Variants in GOLPH3 observed in about 807,000 individuals in gnomAD.
GOLPH3 encodes the protein coat protein GPP34.
GOLPH3 carries 14 observed loss-of-function variants against 28.5 expected under a neutral mutation model. That is an observed-to-expected ratio of 0.49 (90% CI 0.32 to 0.77). The LOEUF (loss-of-function observed/expected upper bound fraction) is 0.77. GOLPH3 is among the 30% of genes least tolerant of loss of function. GOLPH3 has a pLI of 0.03. For missense variants in GOLPH3, 350 were observed against 393.7 expected, an observed-to-expected ratio of 0.89 and a Z score of 0.94; for synonymous variants, 158 against 159.2, an observed-to-expected ratio of 0.99 and a Z score of 0.06.
chr5:32,142,081 G>A (rs554626394), intron 2 of GOLPH3, among the ~76,000 whole-genome samples: 1 of 151,448 alleles, frequency 6.6e-6, no homozygotes, highest in Admixed American at 6.6e-5. Flanking sequence ...TGGGATGTGA[G>A]GAGCCCCTCT....
chr5:32,138,327 T>C (rs1410712783), intron 2 of GOLPH3, among the ~76,000 whole-genome samples: 5 of 152,208 alleles, frequency 3.3e-5, no homozygotes, highest in African/African-American at 4.8e-5. Context: ...TGTGACATCA[T>C]GACCAGCAGA....
At position 32,124,897 on chromosome 5, in the gene GOLPH3, T is replaced by C. The variant is rs1209615184; in HGVS notation, c.*1315A>G. The C allele has an allele frequency of 1.3e-5, 2 of 152,650 alleles. No individual in the cohort carries two copies. The highest frequency in any genetic ancestry group is 4.8e-5 in the African/African-American group (2 of 41,456). The allele number at this position is 152,650 out of a possible 1,614,324, so 9.5% of individuals were successfully genotyped here. A position where few individuals can be genotyped will look rare whatever the true frequency, so the allele number is the denominator to read the frequency against. On this transcript the variant is annotated 3_prime_UTR_variant, in exon 4 of 4. Coordinates refer to ENST00000265070, the MANE Select transcript of GOLPH3 (RefSeq NM_022130.4). ...AAAGCCCCACTATTAACATGGACTA[T>C]GGTAATAAAAAATTTTGACATTTAA...
chr5:32,140,850 T>A (rs1746044990), intron 2 of GOLPH3, among the ~76,000 whole-genome samples: 1 of 151,378 alleles, frequency 6.6e-6, no homozygotes, highest in Non-Finnish European at 1.5e-5. Flanking sequence ...CACCAGACTT[T>A]ACCGCAACTC....
In GOLPH3 at chr5:32,174,187, G is replaced by A; in HGVS notation, c.-153C>T. The A allele has an allele frequency of 2.3e-6, 1 of 434,170 alleles. No individual in the cohort carries two copies. The highest frequency in any genetic ancestry group is 3.8e-6 in the Non-Finnish European group (1 of 263,010). The allele number at this position is 434,170 out of a possible 1,614,324, so 26.9% of individuals were successfully genotyped here. On this transcript the variant is annotated 5_prime_UTR_variant, in exon 1 of 4. Transcript: ENST00000265070. ...GCAGCAGGGCCGGGGGCAGTCATGA[G>A]GAAACAGGTCAGGGCGAAGCGGGCT...
chr5:32,137,686 G>A (rs1242245663), intron 2 of GOLPH3, among the ~76,000 whole-genome samples: 1 of 152,034 alleles, frequency 6.6e-6, no homozygotes. Context: ...TTGAGATATA[G>A]AATCCATTTT....
chr5:32,141,702 C>T (rs891118234), intron 2 of GOLPH3, among the ~76,000 whole-genome samples: 4 of 152,342 alleles, frequency 2.6e-5, no homozygotes, highest in Admixed American at 2.0e-4. Context: ...AACCTCCCTG[C>T]CTGATTCTCC....
At chr5:32,169,122 T>A (rs2619870) in intron 1 of GOLPH3, among the ~76,000 whole-genome samples, 30,746 of 150,950 alleles carry the variant, frequency 0.2, 5,833 homozygotes, top group African/African-American at 0.51. Flanking sequence ...AAAAAAAAAA[T>A]TTTTTTTTAA....
chr5:32,161,390 C>T (rs1025107113), intron 1 of GOLPH3, among the ~76,000 whole-genome samples: 2 of 118,566 alleles, frequency 1.7e-5, no homozygotes, highest in African/African-American at 6.9e-5. Flanking sequence ...GGTGACAGAG[C>T]ATACCTTGTC....
intron 1 of GOLPH3, among the ~76,000 whole-genome samples, chr5:32,172,251 G>A (rs1489330448): frequency 2.0e-5 from 3 of 151,556 alleles, no homozygotes; most frequent in Non-Finnish European, 4.4e-5. Flanking sequence ...CAAGCTAACC[G>A]TTAGTTCATT....
chr5:32,147,365 C>A (rs886873625), intron 1 of GOLPH3, among the ~76,000 whole-genome samples: 3 of 151,690 alleles, frequency 2.0e-5, no homozygotes, highest in Non-Finnish European at 4.4e-5. Context: ...GTGCAGGAGG[C>A]GGAGGCTGCA....
intron 1 of GOLPH3, among the ~76,000 whole-genome samples, chr5:32,161,809 C>G (rs1018244086): frequency 6.0e-5 from 9 of 150,816 alleles, no homozygotes; most frequent in Non-Finnish European, 1.2e-4. Flanking sequence ...GGGCGGACCA[C>G]GAGGTCAGGA....
At position 32,167,722 on chromosome 5, in the gene GOLPH3, G is replaced by A. The variant is rs148664932; in HGVS notation, c.225+6088C>T. Among the ~76,000 whole-genome samples the A allele has an allele frequency of 3.8e-3, 569 of 148,730 alleles. 3 individuals are homozygous for A. Among genetic ancestry groups the A allele is most frequent in the African/African-American group, 0.013 (550 of 41,290 alleles). ...TCCCAGAACTTTGGGAGGCCAAGGCGGGAAGATTGCTTGAGGCCAGGAGTT... is the reference window on the plus strand; with the variant it reads ...TCCCAGAACTTTGGGAGGCCAAGGCAGGAAGATTGCTTGAGGCCAGGAGTT... On this transcript the variant is annotated intron_variant, in intron 1 of 3. Transcript: ENST00000265070.
intron 1 of GOLPH3, among the ~76,000 whole-genome samples, chr5:32,171,884 G>A (rs1746845001): frequency 6.6e-6 from 1 of 151,706 alleles, no homozygotes; most frequent in Non-Finnish European, 1.5e-5. Flanking sequence ...GGAGGGGGAG[G>A]TTGCAGTGAG....
chr5:32,168,619 C>G (rs1272791063), intron 1 of GOLPH3, among the ~76,000 whole-genome samples: 1 of 152,076 alleles, frequency 6.6e-6, no homozygotes, highest in East Asian at 1.9e-4. Context: ...AAAACAGTGC[C>G]AACAGACCAG....
At chr5:32,158,023 T>TAAATAAAATACACAC (rs377527601) in intron 1 of GOLPH3, among the ~76,000 whole-genome samples, 6 of 26,760 alleles carry the variant, frequency 2.2e-4, no homozygotes, top group Admixed American at 5.5e-4. Flanking sequence ...ATAAATAAAA[T>TAAATAAAATACACAC]ACACACACAC....
chr5:32,148,780 G>C (rs1026905545), intron 1 of GOLPH3, among the ~76,000 whole-genome samples: 10 of 152,174 alleles, frequency 6.6e-5, no homozygotes, highest in African/African-American at 2.2e-4. Context: ...CTGGGCAAGA[G>C]AGCAAGACTC....
At chr5:32,127,389 A>G (rs950858646) in intron 3 of GOLPH3, among the ~76,000 whole-genome samples, 2 of 152,220 alleles carry the variant, frequency 1.3e-5, no homozygotes, top group East Asian at 1.9e-4. Context: ...TAAAAAAACT[A>G]TATTTTTCTA....
chr5:32,168,577 A>G (rs905395552), intron 1 of GOLPH3, among the ~76,000 whole-genome samples: 1 of 152,214 alleles, frequency 6.6e-6, no homozygotes, highest in African/African-American at 2.4e-5. Flanking sequence ...AACTCACAAC[A>G]CTGAAAGATG....
chr5:32,136,196 C>T (rs1167806699), intron 2 of GOLPH3, among the ~76,000 whole-genome samples: 1 of 151,872 alleles, frequency 6.6e-6, no homozygotes, highest in Non-Finnish European at 1.5e-5. Context: ...AAGCAAGCTA[C>T]TGGCCGGGCA....
Sources: allele counts gnomAD v4.1 joint callset (sites outside exome capture counted in the v4.1 genomes callset), GRCh38; gene constraint gnomAD v4.1.1; transcripts MANE v1.5; gene names NCBI Gene and HGNC (gene_info 2026-07-23, HGNC 2026-07-21).